Variants in CCDC150 observed in about 807,000 individuals in gnomAD.
CCDC150 encodes coiled-coil domain containing 150.
In CCDC150, 151 loss-of-function variants were observed where a neutral mutation model predicts 156.5. The observed-to-expected ratio is 0.97, with a 90% confidence interval of 0.85 to 1.10. The LOEUF is 1.10. Among genes scored for constraint, CCDC150 ranks in the 50% least tolerant of loss-of-function variants. CCDC150 has a pLI of 0.00. For missense variants in CCDC150, 1,312 were observed against 1,268.1 expected, an observed-to-expected ratio of 1.03 and a Z score of -0.53; for synonymous variants, 452 against 429.4, an observed-to-expected ratio of 1.05 and a Z score of -0.65.
chr2:196,654,784 C>G (rs1273075469), intron 2 of CCDC150, among the ~76,000 whole-genome samples: 1 of 152,096 alleles, frequency 6.6e-6, no homozygotes. Flanking sequence ...TTTCCTATTT[C>G]TTCATTTTTC....
At chr2:196,699,077 G>A (rs192084076) in intron 14 of CCDC150, among the ~76,000 whole-genome samples, 1 of 152,148 alleles carries the variant, frequency 6.6e-6, no homozygotes. Context: ...TGTGTTTTCC[G>A]CAAAAATTAA....
At chr2:196,686,069 C>G (rs1419766387) in intron 13 of CCDC150, 1 of 156,222 alleles carries the variant, frequency 6.4e-6, no homozygotes, top group African/African-American at 2.4e-5. Context: ...GTGTCTCTTG[C>G]TTTCAACAGT....
At chr2:196,709,645 A>G (rs1696946200) in intron 15 of CCDC150, among the ~76,000 whole-genome samples, 1 of 152,124 alleles carries the variant, frequency 6.6e-6, no homozygotes, top group Non-Finnish European at 1.5e-5. Context: ...TTGTGCTTTT[A>G]TCTACCTTTG....
chr2:196,686,019 A>G (rs1483771070), intron 13 of CCDC150: 2 of 153,076 alleles, frequency 1.3e-5, no homozygotes, highest in Non-Finnish European at 2.9e-5. Flanking sequence ...ATTATCTTGT[A>G]CATCAGGAGC....
intron 17 of CCDC150, among the ~76,000 whole-genome samples, chr2:196,715,999 T>A (rs1330113601): frequency 6.6e-6 from 1 of 152,198 alleles, no homozygotes; most frequent in Non-Finnish European, 1.5e-5. Context: ...ACAAATAATT[T>A]TTAAGATTTA....
intron 15 of CCDC150, among the ~76,000 whole-genome samples, chr2:196,709,346 A>G (rs1696912553): frequency 6.6e-6 from 1 of 152,142 alleles, no homozygotes; most frequent in Non-Finnish European, 1.5e-5. Flanking sequence ...CATGGTTTTC[A>G]GCTCCATCAG....
At chr2:196,732,001 G>T in intron 26 of CCDC150, 32 bp from the exon 27 acceptor site, 1 of 1,595,818 alleles carries the variant, frequency 6.3e-7, no homozygotes, top group Non-Finnish European at 8.5e-7. Flanking sequence ...CTCTTTCTTT[G>T]TGTCTTTTAA....
intron 13 of CCDC150, among the ~76,000 whole-genome samples, chr2:196,680,738 A>T (rs530406070): frequency 6.6e-6 from 1 of 152,224 alleles, no homozygotes; most frequent in Non-Finnish European, 1.5e-5. Context: ...GGTATAACCT[A>T]GGAGTGGAAC....
chr2:196,709,291 G>A (rs142935327), intron 15 of CCDC150, among the ~76,000 whole-genome samples: 4,411 of 152,048 alleles, frequency 0.029, 94 homozygotes, highest in South Asian at 0.068. Context: ...CCACTTGATC[G>A]AATTGGCTAT....
chr2:196,654,257 G>A (rs190944990), intron 2 of CCDC150, among the ~76,000 whole-genome samples: 4 of 152,098 alleles, frequency 2.6e-5, no homozygotes, highest in Non-Finnish European at 5.9e-5. Flanking sequence ...TGTCCTTTGG[G>A]TTTCTTGGAT....
At chr2:196,684,080 T>C (rs1273298248) in intron 13 of CCDC150, among the ~76,000 whole-genome samples, 2 of 152,074 alleles carry the variant, frequency 1.3e-5, no homozygotes, top group African/African-American at 4.8e-5. Context: ...GCTTAGGTTA[T>C]TGATTGAGAA....
chr2:196,690,574 A>T (rs1216296196), intron 13 of CCDC150, among the ~76,000 whole-genome samples: 1 of 152,048 alleles, frequency 6.6e-6, no homozygotes, highest in Admixed American at 6.5e-5. Context: ...AGAGTTCTGT[A>T]TGATCTCTCT....
intron 15 of CCDC150, among the ~76,000 whole-genome samples, chr2:196,710,981 C>T (rs748004238): frequency 3.9e-5 from 6 of 152,050 alleles, no homozygotes; most frequent in Non-Finnish European, 7.3e-5. Flanking sequence ...TATTTGGCCT[C>T]ACTCTAATCT....
intron 2 of CCDC150, among the ~76,000 whole-genome samples, chr2:196,650,109 A>G (rs1334123848): frequency 2.0e-5 from 3 of 152,340 alleles, no homozygotes; most frequent in African/African-American, 4.8e-5. Flanking sequence ...ACCGTTGAGC[A>G]TGATGTTAGC....
Position 196,677,373 on chromosome 2 carries a change from T to C in CCDC150, c.1509+12T>C. On this transcript the variant is annotated intron_variant, in intron 13 of 27. Transcript: ENST00000389175. ...TAGCTAAAAACAAGGTATTCTTCATTTTACTTACTGATATTTCACTATATT... is the reference window on the plus strand; with the variant it reads ...TAGCTAAAAACAAGGTATTCTTCATCTTACTTACTGATATTTCACTATATT... 1 of 1,472,670 alleles carries C rather than the reference T, an allele frequency of 6.8e-7. No homozygotes were observed. The highest frequency in any genetic ancestry group is 9.3e-7 in the Non-Finnish European group (1 of 1,073,110). 91.2% of individuals were successfully genotyped at this position (1,472,670 alleles called of 1,614,324 possible).
chr2:196,731,779 CTT>C (rs1698535419), intron 26 of CCDC150, among the ~76,000 whole-genome samples: 1 of 152,120 alleles, frequency 6.6e-6, no homozygotes, highest in Non-Finnish European at 1.5e-5. Context: ...TGGGTCCTCT[CTT>C]ACATTACTTC....
At chr2:196,640,251 TCTC>T (rs1318057810) in intron 1 of CCDC150, among the ~76,000 whole-genome samples, 1 of 152,178 alleles carries the variant, frequency 6.6e-6, no homozygotes, top group African/African-American at 2.4e-5. Context: ...GTCGAAGTAT[TCTC>T]CTGTTTATTT....
intron 17 of CCDC150, among the ~76,000 whole-genome samples, chr2:196,717,878 G>A (rs1372790530): frequency 1.0e-5 from 1 of 99,702 alleles, no homozygotes; most frequent in African/African-American, 3.1e-5. Flanking sequence ...ATGACAGAGC[G>A]AAATTCAGTC....
intron 11 of CCDC150, 80 bp from the exon 12 acceptor site, chr2:196,676,474 C>CTA: frequency 2.2e-6 from 3 of 1,370,258 alleles, no homozygotes; most frequent in Non-Finnish European, 3.0e-6. Context: ...GAAATATGTT[C>CTA]TATAAGAACA....
Sources: gnomAD v4.1 joint callset for allele counts (sites outside exome capture counted in the v4.1 genomes callset) on GRCh38, gnomAD v4.1.1 for gene constraint, MANE v1.5 for transcripts, NCBI Gene and HGNC (gene_info 2026-07-23, HGNC 2026-07-21) for gene names.